SLC9A9: variants seen among roughly 807,000 people sequenced by gnomAD.
SLC9A9 encodes sodium/hydrogen exchanger 9.
A neutral mutation model predicts 77.8 loss-of-function variants in SLC9A9; 62 were observed. The ratio of observed to expected loss-of-function variants is 0.80; its 90% CI spans 0.65 to 0.98. The LOEUF (loss-of-function observed/expected upper bound fraction) is 0.98. Among genes scored for constraint, SLC9A9 ranks in the 50% least tolerant of loss-of-function variants. The pLI, the probability that SLC9A9 is intolerant of heterozygous loss-of-function variation, is 0.00. For synonymous variants in SLC9A9, 320 were observed against 283.5 expected, an observed-to-expected ratio of 1.13 and a Z score of -1.29; for missense variants, 775 against 774.9, an observed-to-expected ratio of 1.00 and a Z score of 0.00.
chr3:143,421,134 G>A (rs1169033783), intron 12 of SLC9A9, among the ~76,000 whole-genome samples: 2 of 152,072 alleles, frequency 1.3e-5, no homozygotes, highest in Non-Finnish European at 2.9e-5. Context: ...AAAGAAATCA[G>A]AGATGGCACA....
chr3:143,450,867 C>T (rs766296395), intron 12 of SLC9A9, among the ~76,000 whole-genome samples: 13 of 152,168 alleles, frequency 8.5e-5, no homozygotes, highest in Non-Finnish European at 1.3e-4. Flanking sequence ...ATGGGCTCAG[C>T]CAACCCACTC....
intron 12 of SLC9A9, among the ~76,000 whole-genome samples, chr3:143,426,350 C>T (rs992459425): frequency 6.6e-6 from 1 of 152,210 alleles, no homozygotes; most frequent in Non-Finnish European, 1.5e-5. Context: ...CTTTTATATT[C>T]AGTCACTAGT....
chr3:143,313,981 G>A (rs545882300), intron 14 of SLC9A9, among the ~76,000 whole-genome samples: 4 of 152,286 alleles, frequency 2.6e-5, no homozygotes, highest in South Asian at 2.1e-4. Context: ...GTGGGACTGC[G>A]GATGTGAGGG....
intron 4 of SLC9A9, among the ~76,000 whole-genome samples, chr3:143,718,484 GA>G (rs1452883699): frequency 6.6e-6 from 1 of 152,186 alleles, no homozygotes; most frequent in Non-Finnish European, 1.5e-5. Context: ...TAAAGGCACA[GA>G]CACCAATGTG....
intron 6 of SLC9A9, among the ~76,000 whole-genome samples, chr3:143,614,555 A>C (rs1042848300): frequency 1.3e-5 from 2 of 152,198 alleles, no homozygotes; most frequent in Non-Finnish European, 2.9e-5. Flanking sequence ...TAATAAAAAG[A>C]GGAGAAATTG....
chr3:143,634,360 T>C (rs141130348), intron 6 of SLC9A9, among the ~76,000 whole-genome samples: 38 of 152,290 alleles, frequency 2.5e-4, no homozygotes, highest in African/African-American at 8.9e-4. Flanking sequence ...TCTGTCATAT[T>C]CTCTGGAGTC....
At chr3:143,608,398 TC>T (rs2037962511) in intron 6 of SLC9A9, among the ~76,000 whole-genome samples, 1 of 152,184 alleles carries the variant, frequency 6.6e-6, no homozygotes, top group Non-Finnish European at 1.5e-5. Flanking sequence ...CTGTTGGTCT[TC>T]CCTCTTTGTC....
rs899793177 is a variant in SLC9A9 at position 143,517,502 on chromosome 3, T to A, written c.1090-22054A>T. 2.4e-5 allele frequency: 39 copies of A among 1,597,662 alleles called. No individual in the cohort carries two copies. The Middle Eastern group carries it at 1.1e-3, about 46-fold the overall frequency. ...TGTTCTTTCTTTGATCTCTCGCTCT[T>A]CACGTTTTCGCTCATACTTTCTCCG... On this transcript the variant is annotated intron_variant, in intron 9 of 15. Transcript: ENST00000316549.
At position 143,448,946 on chromosome 3, in the gene SLC9A9, AATATAT is replaced by A. The variant is rs2034901650; in HGVS notation, c.1469+18085_1469+18090del. 4.5e-4 allele frequency among the ~76,000 whole-genome samples: 5 copies of A among 11,078 alleles called. 2 individuals carry two copies. Among genetic ancestry groups the A allele is most frequent in the African/African-American group, 3.8e-3 (2 of 522 alleles). The allele number at this position is 11,078 out of a possible 152,430, so 7.3% of individuals were successfully genotyped here. On this transcript the variant is annotated intron_variant, in intron 12 of 15. Transcript: ENST00000316549. Reference sequence around the variant, plus strand: ...TATTATAATATATAATATGATATATAATATATAATATAATTATATAAATATAATTAT... The same window carrying A: ...TATTATAATATATAATATGATATATAAATATAATTATATAAATATAATTAT...
chr3:143,297,371 GCTCT>G (rs993857096), intron 14 of SLC9A9, among the ~76,000 whole-genome samples: 6 of 152,166 alleles, frequency 3.9e-5, no homozygotes, highest in African/African-American at 1.4e-4. Flanking sequence ...CGGAGCAGAA[GCTCT>G]CTATTTTGGT....
intron 14 of SLC9A9, among the ~76,000 whole-genome samples, chr3:143,292,136 G>T (rs2030024592): frequency 6.6e-6 from 1 of 152,202 alleles, no homozygotes; most frequent in Non-Finnish European, 1.5e-5. Flanking sequence ...GTGGGATGAG[G>T]ACACAGAGCC....
intron 4 of SLC9A9, among the ~76,000 whole-genome samples, chr3:143,763,580 G>A (rs570940184): frequency 2.4e-4 from 37 of 152,150 alleles, no homozygotes; most frequent in Middle Eastern, 6.8e-3. Context: ...TGTGATAGGT[G>A]TTACTAAAAA....
intron 9 of SLC9A9, among the ~76,000 whole-genome samples, chr3:143,500,247 T>A (rs1338018282): frequency 6.6e-6 from 1 of 152,174 alleles, no homozygotes; most frequent in Non-Finnish European, 1.5e-5. Context: ...TCCACCTACA[T>A]TTTTGTATTT....
At chr3:143,389,844 G>C (rs1215550164) in intron 12 of SLC9A9, among the ~76,000 whole-genome samples, 2 of 152,194 alleles carry the variant, frequency 1.3e-5, no homozygotes, top group African/African-American at 4.8e-5. Context: ...AGACAGTTTG[G>C]ACGTCTTATT....
chr3:143,671,788 T>C (rs1367250207), intron 5 of SLC9A9, among the ~76,000 whole-genome samples: 1 of 152,244 alleles, frequency 6.6e-6, no homozygotes, highest in African/African-American at 2.4e-5. Flanking sequence ...AAATGGCTGA[T>C]ACGTCTGTGC....
chr3:143,303,281 A>T (rs548888784), intron 14 of SLC9A9, among the ~76,000 whole-genome samples: 2 of 152,142 alleles, frequency 1.3e-5, no homozygotes, highest in Non-Finnish European at 2.9e-5. Context: ...GTGTTCAGGG[A>T]AAGTTTCAAA....
In SLC9A9 at chr3:143,664,744, T is replaced by C. The variant is rs560050534; in HGVS notation, c.650-12384A>G. Among the ~76,000 whole-genome samples, 8 of 152,276 alleles carry C rather than the reference T, an allele frequency of 5.3e-5. No individual in the cohort carries two copies. In the South Asian group the frequency reaches 1.2e-3, roughly 24 times the overall value. ...AGATCAAAAGAGACAAAGAAGGCCA[T>C]TATGTAATTGTAAAGGGATCAATTC... is the stretch of plus-strand genomic sequence containing the variant. On this transcript the variant is annotated intron_variant, in intron 5 of 15. Transcript: ENST00000316549.
In SLC9A9 at chr3:143,828,296, G is replaced by A. The variant is rs185306248; in HGVS notation, c.378+3723C>T. 7.9e-5 allele frequency among the ~76,000 whole-genome samples: 12 copies of A among 152,232 alleles called. No homozygotes were observed. In the East Asian group the frequency reaches 2.3e-3, roughly 29 times the overall value. ...ATACTGTATGTTTCTCTAGCCATAT[G>A]TGCTCTGCCAAGATCTCAGACTCAT... On this transcript the variant is annotated intron_variant, in intron 2 of 15. Coordinates refer to ENST00000316549, the MANE Select transcript of SLC9A9 (RefSeq NM_173653.4).
At chr3:143,667,001 C>T (rs1280033603) in intron 5 of SLC9A9, among the ~76,000 whole-genome samples, 4 of 152,116 alleles carry the variant, frequency 2.6e-5, no homozygotes, top group South Asian at 4.2e-4. Context: ...CATATGGAAC[C>T]AAAAAAGAGC....
Sources: allele counts gnomAD v4.1 joint callset (sites outside exome capture counted in the v4.1 genomes callset), GRCh38; gene constraint gnomAD v4.1.1; transcripts MANE v1.5; gene names NCBI Gene and HGNC (gene_info 2026-07-23, HGNC 2026-07-21).